The following C11orf65 variants were observed in gnomAD, a reference collection of about 807,000 sequenced individuals.
C11orf65 encodes the protein protein MFI.
In C11orf65, 38 loss-of-function variants were observed where a neutral mutation model predicts 35.3. The observed-to-expected ratio is 1.08, with a 90% CI of 0.83 to 1.41. The LOEUF (loss-of-function observed/expected upper bound fraction) is 1.41, where lower values mean the gene tolerates loss of function less well. C11orf65 is among the 40% of genes most tolerant of loss of function. The probability of loss-of-function intolerance (pLI) is 0.00; values close to 1 mark genes in which losing one functional copy is unlikely to be tolerated. For missense variants in C11orf65, 370 were observed against 367.1 expected (o/e 1.01, Z -0.06); for synonymous variants, 105 against 114.4 (o/e 0.92, Z 0.53).
chr11:108,455,297 T>C (rs370399444), intron 2 of C11orf65, among the ~76,000 whole-genome samples: 1 of 152,166 alleles, frequency 6.6e-6, no homozygotes, highest in South Asian at 2.1e-4. Context: ...AAGGAAGATG[T>C]TAAATTGTCT....
intron 2 of C11orf65, among the ~76,000 whole-genome samples, chr11:108,444,151 C>T (rs1478759826): frequency 6.6e-6 from 1 of 151,284 alleles, no homozygotes; most frequent in Non-Finnish European, 1.5e-5. Flanking sequence ...ACCACCGATC[C>T]CACAGAAATA....
rs547940310 is a variant in C11orf65 at position 108,465,995 on chromosome 11, A to C, written c.-10+1476T>G. Among the ~76,000 whole-genome samples the C allele has an allele frequency of 3.3e-3, 331 of 99,492 alleles. 1 individual carries two copies. The highest frequency in any genetic ancestry group is 6.3e-3 in the African/African-American group (123 of 19,428). 65.3% of individuals were successfully genotyped at this position (99,492 alleles called of 152,430 possible). On this transcript the variant is annotated intron_variant, in intron 1 of 8. Coordinates refer to ENST00000393084, the MANE Select transcript of C11orf65 (RefSeq NM_152587.5). Reference sequence around the variant, plus strand: ...TGAAACTCGGTCTAAAAAAAAAAAAAAACAACAACAACAACAAAAAACGAC... The same window carrying C: ...TGAAACTCGGTCTAAAAAAAAAAAACAACAACAACAACAACAAAAAACGAC...
downstream of C11orf65, among the ~76,000 whole-genome samples, chr11:108,381,146 T>C (rs560395167): frequency 1.3e-5 from 2 of 152,318 alleles, no homozygotes; most frequent in South Asian, 2.1e-4. Flanking sequence ...GGCCATTATA[T>C]GGTGCTCTGT....
At chr11:108,425,282 T>A (rs893362131) in intron 3 of C11orf65, among the ~76,000 whole-genome samples, 1 of 151,008 alleles carries the variant, frequency 6.6e-6, no homozygotes, top group Non-Finnish European at 1.5e-5. Context: ...GAGAGAAGAA[T>A]CAAATAGATA....
At chr11:108,341,881 C>T (rs1025271272) in intron 2 of C11orf65, among the ~76,000 whole-genome samples, 2 of 152,072 alleles carry the variant, frequency 1.3e-5, no homozygotes, top group East Asian at 3.9e-4. Flanking sequence ...GTATATAAAT[C>T]GGTACAGTCA....
chr11:108,399,593 A>G (rs2092398033), intron 6 of C11orf65, among the ~76,000 whole-genome samples: 1 of 152,166 alleles, frequency 6.6e-6, no homozygotes, highest in African/African-American at 2.4e-5. Context: ...ACTTCCTATG[A>G]AGCCAAAGGT....
chr11:108,354,756 C>G (rs664982), intron 2 of C11orf65: 6 of 1,419,984 alleles, frequency 4.2e-6, no homozygotes, highest in Non-Finnish European at 6.0e-6. Context: ...GATAAAGATA[C>G]GTTGACAACA....
At chr11:108,469,370 A>T (rs184134105), upstream of C11orf65, among the ~76,000 whole-genome samples, 29 of 152,080 alleles carry the variant, frequency 1.9e-4, no homozygotes, top group Middle Eastern at 3.4e-3. Flanking sequence ...CTAAGCCAGT[A>T]AATAATTTAG....
At chr11:108,327,813 C>T (rs2085836946), downstream of C11orf65, 2 of 1,260,894 alleles carry the variant, frequency 1.6e-6, no homozygotes, top group African/African-American at 3.0e-5. Context: ...TATGCTTCAT[C>T]TTTTCATCAA....
intron 3 of C11orf65, among the ~76,000 whole-genome samples, chr11:108,419,735 C>T (rs2092788505): frequency 6.6e-6 from 1 of 152,084 alleles, no homozygotes; most frequent in Non-Finnish European, 1.5e-5. Context: ...TTTAGTTCAA[C>T]AGGAATAGAA....
intron 3 of C11orf65, chr11:108,332,973 G>T: frequency 6.5e-7 from 1 of 1,530,726 alleles, no homozygotes; most frequent in Non-Finnish European, 8.9e-7. Context: ...TAGTTATAGA[G>T]CCTAATAAGT....
intron 2 of C11orf65, among the ~76,000 whole-genome samples, chr11:108,357,681 G>C (rs1244508843): frequency 6.6e-6 from 1 of 152,166 alleles, no homozygotes; most frequent in African/African-American, 2.4e-5. Context: ...CCCAGCAGGG[G>C]CACACTGACA....
chr11:108,423,075 G>A (rs538657450), intron 3 of C11orf65, among the ~76,000 whole-genome samples: 7 of 152,254 alleles, frequency 4.6e-5, no homozygotes, highest in South Asian at 2.1e-4. Context: ...CTTTTCGCAC[G>A]ATCTTCCCAA....
At chr11:108,308,908 T>C (rs949354278) in exon 7 of C11orf65, 1 of 958,438 alleles carries the variant, frequency 1.0e-6, no homozygotes, top group Admixed American at 2.0e-5. Context: ...TTTAATGTAG[T>C]GGAGAGCATT....
chr11:108,357,580 G>C (rs1045964811), intron 2 of C11orf65, among the ~76,000 whole-genome samples: 1 of 152,178 alleles, frequency 6.6e-6, no homozygotes. Flanking sequence ...GGTTCTCCCA[G>C]CACGCAGCTG....
At position 108,406,958 on chromosome 11, in the gene C11orf65, T is replaced by C. The variant is rs780722205; in HGVS notation, c.234A>G (p.Lys78=). 1 of 1,606,322 alleles carries C rather than the reference T, an allele frequency of 6.2e-7. No homozygotes were observed. Among genetic ancestry groups the C allele is most frequent in the Non-Finnish European group, 8.5e-7 (1 of 1,173,668 alleles). Residue 78 remains lysine, a synonymous_variant, in exon 5 of 9, where the codon AAA becomes AAG. Coordinates refer to ENST00000393084, the MANE Select transcript of C11orf65 (RefSeq NM_152587.5). Reference sequence around the variant, plus strand: ...TCTTATAGTATATATCAGGTGGAAATTTAACCTGTAGAAGGAAAAGTTCAA... The same window carrying C: ...TCTTATAGTATATATCAGGTGGAAACTTAACCTGTAGAAGGAAAAGTTCAA... ...IHVRFRLGGV[K]FPPDIYYKIF...
At chr11:108,433,488 G>A (rs1462571381) in intron 2 of C11orf65, among the ~76,000 whole-genome samples, 6 of 152,132 alleles carry the variant, frequency 3.9e-5, no homozygotes, top group Non-Finnish European at 8.8e-5. Flanking sequence ...GCTGAGGCAG[G>A]AGGATGGTGT....
intron 6 of C11orf65, among the ~76,000 whole-genome samples, chr11:108,403,596 T>C (rs1242799046): frequency 6.6e-6 from 1 of 152,118 alleles, no homozygotes; most frequent in Non-Finnish European, 1.5e-5. Flanking sequence ...CAAAAGGCAC[T>C]AAGATTTTCT....
chr11:108,406,352 A>C (rs574816634), intron 5 of C11orf65, among the ~76,000 whole-genome samples: 13 of 152,228 alleles, frequency 8.5e-5, no homozygotes, highest in Non-Finnish European at 1.5e-4. Flanking sequence ...TTTGAGACAG[A>C]GTCTCACTCT....
Sources: gnomAD v4.1 joint callset for allele counts (sites outside exome capture counted in the v4.1 genomes callset) on GRCh38, gnomAD v4.1.1 for gene constraint, MANE v1.5 for transcripts, NCBI Gene and HGNC (gene_info 2026-07-23, HGNC 2026-07-21) for gene names.